Variants in ZBBX observed in about 807,000 individuals in gnomAD.
ZBBX encodes the protein zinc finger B-box domain containing, also known as zinc finger B-box domain-containing protein 1.
In ZBBX, 101 loss-of-function variants were observed where a neutral mutation model predicts 108.5. That is an observed-to-expected ratio of 0.93 (90% confidence interval 0.79 to 1.10). The LOEUF is 1.10. Among genes scored for constraint, ZBBX ranks in the 50% least tolerant of loss-of-function variants. The probability of loss-of-function intolerance (pLI) is 0.00; values close to 1 mark genes in which losing one functional copy is unlikely to be tolerated. For synonymous variants in ZBBX, 356 were observed against 323.4 expected (o/e 1.10, Z -1.08); for missense variants, 1,009 against 941.4 (o/e 1.07, Z -0.94).
chr3:167,353,287 C>T (rs1181596963), intron 8 of ZBBX, among the ~76,000 whole-genome samples: 1 of 151,956 alleles, frequency 6.6e-6, no homozygotes, highest in Non-Finnish European at 1.5e-5. Context: ...AGATATATAC[C>T]ATGGAATACT....
intron 18 of ZBBX, among the ~76,000 whole-genome samples, chr3:167,295,018 T>G (rs1333614626): frequency 6.6e-6 from 1 of 151,972 alleles, no homozygotes; most frequent in Admixed American, 6.6e-5. Flanking sequence ...GTTAGAATGG[T>G]GATCATTAAA....
chr3:167,218,572 T>C, the ZBBX span, among the ~76,000 whole-genome samples: 1 of 151,986 alleles, frequency 6.6e-6, no homozygotes, highest in Admixed American at 6.6e-5. Flanking sequence ...AAATAATGGG[T>C]TATAAGATAT....
intron 6 of ZBBX, among the ~76,000 whole-genome samples, chr3:167,363,195 A>G (rs1335324885): frequency 6.6e-6 from 1 of 152,020 alleles, no homozygotes; most frequent in Non-Finnish European, 1.5e-5. Flanking sequence ...ATAATACTAT[A>G]GAGCCTCCTA....
In ZBBX at chr3:167,360,708, C is replaced by G; in HGVS notation, c.289G>C (p.Val97Leu). 1 of 1,389,502 alleles carries G rather than the reference C, an allele frequency of 7.2e-7. No homozygotes were observed. Among genetic ancestry groups the G allele is most frequent in the Non-Finnish European group, 9.4e-7 (1 of 1,060,784 alleles). The allele number at this position is 1,389,502 out of a possible 1,614,324, so 86.1% of individuals were successfully genotyped here. A position where few individuals can be genotyped will look rare whatever the true frequency, so the allele number is the denominator to read the frequency against. The change falls in exon 7 of 22, where the codon GTG (valine) becomes CTG (leucine). Residue 97 changes from valine to leucine, a missense_variant. Physicochemically the swap from Val to Leu is conservative, Grantham distance 32 (BLOSUM62 1). Coordinates refer to ENST00000675490, the MANE Select transcript of ZBBX (RefSeq NM_001199201.2). ...TGTTCCTTCAGCAATTTTAATTTCA[C>G]TTTTCCAGCAGAAAACTGTATTAAT... Reference protein sequence around the residue: ...GNVVKFSAGKVKLKLLKEQIQ... With the variant: ...GNVVKFSAGKLKLKLLKEQIQ...
chr3:167,296,483 C>G (rs776177673), intron 18 of ZBBX, among the ~76,000 whole-genome samples: 1 of 151,830 alleles, frequency 6.6e-6, no homozygotes, highest in Non-Finnish European at 1.5e-5. Flanking sequence ...GTAGAAAACA[C>G]TAAAGATTCC....
the ZBBX span, among the ~76,000 whole-genome samples, chr3:167,217,445 T>C: frequency 2.6e-5 from 4 of 151,968 alleles, no homozygotes; most frequent in Admixed American, 6.6e-5. Context: ...AGAATGTCTA[T>C]TGCTAAAAAG....
chr3:167,322,448 TTGAAA>T (rs1222747266), intron 11 of ZBBX, among the ~76,000 whole-genome samples: 2 of 151,974 alleles, frequency 1.3e-5, no homozygotes, highest in African/African-American at 2.4e-5. Flanking sequence ...CAACAATCTC[TTGAAA>T]TGAAGGGATC....
intron 6 of ZBBX, among the ~76,000 whole-genome samples, chr3:167,363,644 CT>C (rs1324090824): frequency 6.6e-6 from 1 of 152,040 alleles, no homozygotes; most frequent in Non-Finnish European, 1.5e-5. Context: ...GGATGTCCAT[CT>C]TTCATTCTAC....
chr3:167,333,517 T>G (rs12492410), intron 10 of ZBBX, among the ~76,000 whole-genome samples: 53,626 of 151,960 alleles, frequency 0.35, 10,136 homozygotes, highest in Non-Finnish European at 0.43. Context: ...ATTGTTATAT[T>G]GCATTGTGGT....
At chr3:167,259,300 G>A (rs796229960) in intron 20 of ZBBX, among the ~76,000 whole-genome samples, 4 of 152,226 alleles carry the variant, frequency 2.6e-5, no homozygotes, top group African/African-American at 9.6e-5. Flanking sequence ...TTGTATTTCA[G>A]TGGTGTCAGT....
chr3:167,343,056 C>T (rs1740826453), intron 9 of ZBBX, among the ~76,000 whole-genome samples: 1 of 151,750 alleles, frequency 6.6e-6, no homozygotes, highest in Non-Finnish European at 1.5e-5. Flanking sequence ...GTTTTCTGGG[C>T]TTTAAATGTA....
intron 10 of ZBBX, among the ~76,000 whole-genome samples, chr3:167,329,743 AG>A (rs376248774): frequency 1.7e-4 from 26 of 152,290 alleles, no homozygotes; most frequent in African/African-American, 5.5e-4. Context: ...GAAAATATAA[AG>A]GGTAGAAAGG....
the ZBBX span, among the ~76,000 whole-genome samples, chr3:167,225,175 A>G: frequency 6.6e-6 from 1 of 151,922 alleles, no homozygotes; most frequent in South Asian, 2.1e-4. Context: ...TTAGCCAAAT[A>G]TCAGAAAGAA....
At chr3:167,246,868 A>T (rs1391449945) in intron 20 of ZBBX, among the ~76,000 whole-genome samples, 1 of 152,240 alleles carries the variant, frequency 6.6e-6, no homozygotes, top group Admixed American at 6.5e-5. Context: ...AAGTGGCATG[A>T]ACTACAGCTA....
intron 3 of ZBBX, 48 bp from the exon 4 acceptor site, chr3:167,372,998 A>G: frequency 2.3e-6 from 2 of 883,910 alleles, no homozygotes; most frequent in South Asian, 2.2e-5. Context: ...GTGAAGCAGT[A>G]TAAGTTACAA....
intron 1 of ZBBX, among the ~76,000 whole-genome samples, chr3:167,386,561 CA>C (rs986479418): frequency 1.3e-5 from 2 of 151,532 alleles, no homozygotes; most frequent in Non-Finnish European, 2.9e-5. Context: ...GTCATCTCCT[CA>C]AAAAAAAGCT....
At chr3:167,368,393 C>A in intron 5 of ZBBX, 68 bp downstream of exon 5, 5 of 1,100,898 alleles carry the variant, frequency 4.5e-6, no homozygotes, top group Non-Finnish European at 6.7e-6. Context: ...GGAATGACAA[C>A]AGTATATAAA....
chr3:167,297,258 T>G (rs747356885), intron 18 of ZBBX, among the ~76,000 whole-genome samples: 2 of 151,934 alleles, frequency 1.3e-5, no homozygotes, highest in Non-Finnish European at 2.9e-5. Flanking sequence ...GCCAAATAAT[T>G]TTTGACAAGG....
the ZBBX span, among the ~76,000 whole-genome samples, chr3:167,223,395 C>A: frequency 6.6e-6 from 1 of 151,774 alleles, no homozygotes; most frequent in Admixed American, 6.6e-5. Flanking sequence ...AATAAAAAGC[C>A]AATTAGACTT....
Sources: gnomAD v4.1 joint callset for allele counts (sites outside exome capture counted in the v4.1 genomes callset) on GRCh38, gnomAD v4.1.1 for gene constraint, MANE v1.5 for transcripts, NCBI Gene and HGNC (gene_info 2026-07-23, HGNC 2026-07-21) for gene names.